UBE3A: variants seen among roughly 807,000 people sequenced by gnomAD.
The protein encoded by UBE3A is ubiquitin protein ligase E3A.
A neutral mutation model predicts 83.4 loss-of-function variants in UBE3A; 6 were observed. The ratio of observed to expected loss-of-function variants is 0.07; its 90% confidence interval spans 0.04 to 0.14. The LOEUF is 0.14. Among genes scored for constraint, UBE3A ranks in the 10% least tolerant of loss-of-function variants. The pLI, the probability that UBE3A is intolerant of heterozygous loss-of-function variation, is 1.00. For missense variants in UBE3A, 456 were observed against 1,036.1 expected, an observed-to-expected ratio of 0.44 and a Z score of 7.69; for synonymous variants, 337 against 355.4, an observed-to-expected ratio of 0.95 and a Z score of 0.58.
At chr15:25,342,967 G>C (rs539116857) in intron 11 of UBE3A, among the ~76,000 whole-genome samples, 1 of 152,290 alleles carries the variant, frequency 6.6e-6, no homozygotes, top group East Asian at 1.9e-4. Flanking sequence ...TTCAAAAGCA[G>C]AAGTGTCCCT....
At chr15:25,348,116 A>C (rs1309902469) in intron 11 of UBE3A, among the ~76,000 whole-genome samples, 1 of 152,192 alleles carries the variant, frequency 6.6e-6, no homozygotes, top group Non-Finnish European at 1.5e-5. Flanking sequence ...AACTTATATA[A>C]TGATAAAGGA....
At chr15:25,405,170 C>T (rs973393531) in intron 4 of UBE3A, among the ~76,000 whole-genome samples, 2 of 99,124 alleles carry the variant, frequency 2.0e-5, no homozygotes, top group Non-Finnish European at 3.0e-5. Flanking sequence ...GACTGTTAAA[C>T]TCAACTCTTT....
intron 7 of UBE3A, among the ~76,000 whole-genome samples, chr15:25,359,414 GATGCGT>G (rs912533892): frequency 1.6e-4 from 19 of 120,068 alleles, no homozygotes; most frequent in African/African-American, 2.6e-4. Flanking sequence ...ATAGATAAGG[GATGCGT>G]GTGTGTGTGT....
chr15:25,391,372 T>C (rs1229836315), intron 4 of UBE3A, among the ~76,000 whole-genome samples: 24 of 152,220 alleles, frequency 1.6e-4, no homozygotes, highest in Non-Finnish European at 2.9e-5. Flanking sequence ...GTTCAATGAA[T>C]GTAGAGTTTC....
chr15:25,421,142 G>A (rs937866051), intron 1 of UBE3A, among the ~76,000 whole-genome samples: 7 of 152,138 alleles, frequency 4.6e-5, no homozygotes, highest in African/African-American at 1.7e-4. Flanking sequence ...TCATAGCTTG[G>A]TGCTCTCCTT....
chr15:25,405,549 A>C (rs987925175), intron 3 of UBE3A, 47 bp from the exon 4 acceptor site: 5 of 1,460,606 alleles, frequency 3.4e-6, no homozygotes, highest in Non-Finnish European at 4.7e-6. Context: ...TCCATATTCC[A>C]AAAAAAAAGG....
Position 25,409,207 on chromosome 15 carries a change from T to G in UBE3A, c.-100A>C. Reference sequence around the variant, plus strand: ...TTGATCTGAGCGTAGGCTTAATAACTCTAATAAATTAAACAAACCTTTGGT... The same window carrying G: ...TTGATCTGAGCGTAGGCTTAATAACGCTAATAAATTAAACAAACCTTTGGT... On this transcript the variant is annotated splice_region_variant and 5_prime_UTR_variant, in exon 3 of 13. Transcript: ENST00000648336. 2.7e-6 allele frequency: 3 copies of G among 1,127,160 alleles called. No homozygotes were observed. The South Asian group carries it at 4.4e-5, about 16-fold the overall frequency. 69.8% of individuals were successfully genotyped at this position (1,127,160 alleles called of 1,614,324 possible).
Position 25,360,378 on chromosome 15 carries a change from T to C in UBE3A, c.1753+5A>G. On this transcript the variant is annotated splice_donor_5th_base_variant and intron_variant, in intron 7 of 12. Coordinates refer to ENST00000648336, the MANE Select transcript of UBE3A (RefSeq NM_130839.5). ...ACACCATAATCACATTACTAATGTA[T>C]TTACCAATATCTGGATTGAAGATTT... 3 of 1,613,600 alleles carry C rather than the reference T, an allele frequency of 1.9e-6. No individual in the cohort carries two copies. Among genetic ancestry groups the C allele is most frequent in the Non-Finnish European group, 2.5e-6 (3 of 1,179,844 alleles).
chr15:25,395,901 C>G (rs1238359130), intron 4 of UBE3A, among the ~76,000 whole-genome samples: 1 of 152,090 alleles, frequency 6.6e-6, no homozygotes, highest in Non-Finnish European at 1.5e-5. Flanking sequence ...AGAGTAAATA[C>G]CAAACATAAA....
At position 25,370,653 on chromosome 15, in the gene UBE3A, G is replaced by C; in HGVS notation, c.1521C>G (p.Leu507=). Residue 507 remains leucine, a synonymous_variant, in exon 6 of 13, where the codon CTC becomes CTG. Coordinates refer to ENST00000648336, the MANE Select transcript of UBE3A (RefSeq NM_130839.5). This position sits in a 1 kb window ranked among gnomAD's most constrained non-coding sequence, Gnocchi z 4.2. The part of the protein sequence containing the change: ...RMYSERRITV[L]YSLVQGQQLN... ...ACTGCTGTCCTTGAACTAAGCTGTA[G>C]AGAACAGTGATTCTTCGTTCACTGT... is the stretch of plus-strand genomic sequence containing the variant. 1 of 1,614,076 alleles carries C rather than the reference G, an allele frequency of 6.2e-7. No individual in the cohort carries two copies. Among genetic ancestry groups the C allele is most frequent in the East Asian group, 2.2e-5 (1 of 44,848 alleles).
chr15:25,410,570 AC>A (rs1291412318), intron 2 of UBE3A, among the ~76,000 whole-genome samples: 1 of 152,226 alleles, frequency 6.6e-6, no homozygotes. Flanking sequence ...AAAGGTGGTT[AC>A]CAGTGTGGAT....
chr15:25,423,002 A>AAT (rs1890286018), intron 1 of UBE3A, among the ~76,000 whole-genome samples: 1 of 151,932 alleles, frequency 6.6e-6, no homozygotes, highest in Non-Finnish European at 1.5e-5. Context: ...AAGTTTTTGT[A>AAT]ATATATATAT....
Position 25,339,035 on chromosome 15 carries a change from T to C in UBE3A, c.*102A>G. ...TTACAGCCTTTTTGTACTGGGACAC[T>C]ATCACCACCAAAAATTTATCCCTCG... On this transcript the variant is annotated 3_prime_UTR_variant, in exon 13 of 13. Coordinates refer to ENST00000648336, the MANE Select transcript of UBE3A (RefSeq NM_130839.5). The C allele has an allele frequency of 1.5e-6, 2 of 1,339,574 alleles. No individual in the cohort carries two copies. The highest frequency in any genetic ancestry group is 1.6e-5 in the South Asian group (1 of 61,556). The allele number at this position is 1,339,574 out of a possible 1,614,324, so 83.0% of individuals were successfully genotyped here.
intron 11 of UBE3A, among the ~76,000 whole-genome samples, chr15:25,349,498 C>A (rs1333499115): frequency 6.6e-6 from 1 of 151,974 alleles, no homozygotes; most frequent in African/African-American, 2.4e-5. Flanking sequence ...AGAAATGGGC[C>A]TTTTATATAG....
chr15:25,402,207 A>G (rs1051720481), intron 4 of UBE3A, among the ~76,000 whole-genome samples: 2 of 152,190 alleles, frequency 1.3e-5, no homozygotes, highest in African/African-American at 4.8e-5. Context: ...GCCCTTCACC[A>G]GTCAGCCTGT....
intron 6 of UBE3A, among the ~76,000 whole-genome samples, chr15:25,367,220 T>TTTACATATTTGTAAATATGTAAATAC (rs1555397612): frequency 4.1e-5 from 3 of 73,964 alleles, no homozygotes; most frequent in South Asian, 3.8e-4. Flanking sequence ...TATGTAAATA[T>TTTACATATTTGTAAATATGTAAATAC]TTACATATTT....
chr15:25,348,296 T>C (rs759120676), intron 11 of UBE3A, among the ~76,000 whole-genome samples: 1 of 152,080 alleles, frequency 6.6e-6, no homozygotes, highest in South Asian at 2.1e-4. Flanking sequence ...AGGAAGAACA[T>C]ACCTAGAAAA....
At chr15:25,399,466 T>C (rs148310230) in intron 4 of UBE3A, among the ~76,000 whole-genome samples, 9 of 152,310 alleles carry the variant, frequency 5.9e-5, no homozygotes, top group African/African-American at 1.9e-4. Context: ...AGACTTCCCT[T>C]TCCCCGCTGT....
chr15:25,427,583 T>G (rs890749076), intron 1 of UBE3A, among the ~76,000 whole-genome samples: 1 of 87,352 alleles, frequency 1.1e-5, no homozygotes, highest in African/African-American at 4.2e-5. Context: ...GTGGGCAACA[T>G]AGGAAGACCC....
Sources: allele counts gnomAD v4.1 joint callset (sites outside exome capture counted in the v4.1 genomes callset), GRCh38; gene constraint gnomAD v4.1.1; non-coding constraint Gnocchi (gnomAD v3.1); transcripts MANE v1.5; gene names NCBI Gene and HGNC (gene_info 2026-07-23, HGNC 2026-07-21).